Variants in UNC13C observed in about 807,000 individuals in gnomAD.
UNC13C encodes the protein protein unc-13 homolog C.
UNC13C carries 174 observed loss-of-function variants against 245.4 expected under a neutral mutation model. The ratio of observed to expected loss-of-function variants is 0.71; its 90% CI spans 0.63 to 0.80. The LOEUF (loss-of-function observed/expected upper bound fraction) is 0.80. Among genes scored for constraint, UNC13C ranks in the 30% least tolerant of loss-of-function variants. The pLI is 0.00. For synonymous variants in UNC13C, 992 were observed against 895.1 expected (o/e 1.11, Z -1.93); for missense variants, 2,829 against 2,602.9 (o/e 1.09, Z -1.89).
intron 22 of UNC13C, among the ~76,000 whole-genome samples, chr15:54,504,641 T>C (rs1179612189): frequency 6.6e-6 from 1 of 152,202 alleles, no homozygotes; most frequent in Non-Finnish European, 1.5e-5. Flanking sequence ...ATGTTGGATG[T>C]GTTAAAATAC....
intron 2 of UNC13C, among the ~76,000 whole-genome samples, chr15:54,110,280 CAAA>C (rs11343698): frequency 4.8e-5 from 7 of 144,728 alleles, no homozygotes; most frequent in Admixed American, 6.9e-5. Flanking sequence ...GACGCTGCCT[CAAA>C]AAAAAAAAAA....
At chr15:54,235,169 G>A (rs1292529178) in intron 5 of UNC13C, 61 bp downstream of exon 5, 46 of 1,441,534 alleles carry the variant, frequency 3.2e-5, no homozygotes, top group Non-Finnish European at 4.2e-5. Flanking sequence ...TTACTAAAAT[G>A]TAATGTCCTT....
At chr15:54,444,926 C>G (rs956043353) in intron 19 of UNC13C, among the ~76,000 whole-genome samples, 27 of 151,322 alleles carry the variant, frequency 1.8e-4, no homozygotes, top group Non-Finnish European at 1.5e-5. Context: ...TTAACTCATC[C>G]TTTACATTAG....
In UNC13C at chr15:54,220,146, T is replaced by C. The variant is rs557536353; in HGVS notation, c.3072-14884T>C. Among the ~76,000 whole-genome samples the C allele has an allele frequency of 1.4e-4, 21 of 151,194 alleles. No homozygotes were observed. In the South Asian group the frequency reaches 2.5e-3, roughly 18 times the overall value. Reference sequence around the variant, plus strand: ...ATGCTGCTATAAAGACACATGCACATGTATGTTTACTGCGGCACTATTCAC... The same window carrying C: ...ATGCTGCTATAAAGACACATGCACACGTATGTTTACTGCGGCACTATTCAC... On this transcript the variant is annotated intron_variant, in intron 4 of 32. Transcript: ENST00000260323.
chr15:54,463,281 G>GGGGGGGT, intron 19 of UNC13C, among the ~76,000 whole-genome samples: 1 of 68,966 alleles, frequency 1.4e-5, no homozygotes, highest in Admixed American at 1.3e-4. Context: ...GGGGGGGGGG[G>GGGGGGGT]GCCGGTCAGG....
chr15:53,936,135 G>A, the UNC13C span, among the ~76,000 whole-genome samples: 12 of 152,212 alleles, frequency 7.9e-5, no homozygotes, highest in Admixed American at 7.2e-4. Context: ...GACTGCCTGA[G>A]ACAGACCAAG....
chr15:54,516,400 G>C (rs1226860276), intron 24 of UNC13C, among the ~76,000 whole-genome samples: 1 of 152,148 alleles, frequency 6.6e-6, no homozygotes, highest in East Asian at 1.9e-4. Context: ...ATTTGATTCA[G>C]TACGTTTGGG....
chr15:54,469,704 T>G (rs746216709), intron 19 of UNC13C, among the ~76,000 whole-genome samples: 1 of 151,532 alleles, frequency 6.6e-6, no homozygotes, highest in Non-Finnish European at 1.5e-5. Context: ...TTTTGGAATT[T>G]TGTGGAATTT....
intron 17 of UNC13C, among the ~76,000 whole-genome samples, chr15:54,381,961 T>C (rs1005950716): frequency 6.6e-6 from 1 of 152,304 alleles, no homozygotes; most frequent in Non-Finnish European, 1.5e-5. Flanking sequence ...CTCATCAGCA[T>C]GTGGAACATT....
chr15:53,962,983 A>T, the UNC13C span, among the ~76,000 whole-genome samples: 1 of 152,196 alleles, frequency 6.6e-6, no homozygotes, highest in Non-Finnish European at 1.5e-5. Context: ...ATCATAATAG[A>T]GAATATTTAT....
intron 30 of UNC13C, among the ~76,000 whole-genome samples, chr15:54,616,593 T>TA (rs1900449232): frequency 6.6e-6 from 1 of 151,908 alleles, no homozygotes; most frequent in Admixed American, 6.6e-5. Context: ...AAAAAGTCTT[T>TA]AAAATAGAAA....
chr15:54,211,852 G>A (rs546737008), intron 4 of UNC13C, among the ~76,000 whole-genome samples: 21 of 152,222 alleles, frequency 1.4e-4, no homozygotes, highest in African/African-American at 3.9e-4. Flanking sequence ...AGGATGCAGC[G>A]TTATTTTTCA....
At chr15:54,049,429 T>A in intron 2 of UNC13C, 1 of 489,804 alleles carries the variant, frequency 2.0e-6, no homozygotes, top group East Asian at 5.6e-5. Flanking sequence ...ATTCCAGTTC[T>A]TTGTGGAGAC....
At chr15:54,579,118 T>C (rs903605399) in intron 30 of UNC13C, among the ~76,000 whole-genome samples, 7 of 152,140 alleles carry the variant, frequency 4.6e-5, no homozygotes, top group Non-Finnish European at 8.8e-5. Context: ...AGTTCGGCAG[T>C]AAAATAGGCA....
At chr15:54,055,948 A>G (rs775137695) in intron 2 of UNC13C, among the ~76,000 whole-genome samples, 2 of 152,182 alleles carry the variant, frequency 1.3e-5, no homozygotes, top group Non-Finnish European at 2.9e-5. Flanking sequence ...CTCTCTTCAC[A>G]TCTACTGGAT....
intron 4 of UNC13C, among the ~76,000 whole-genome samples, chr15:54,152,886 T>C (rs1285346457): frequency 6.6e-6 from 1 of 152,166 alleles, no homozygotes; most frequent in Admixed American, 6.5e-5. Flanking sequence ...CTGAGGGTGA[T>C]AATTGTATTT....
chr15:54,416,852 G>T (rs1195887348), intron 19 of UNC13C: 1 of 455,316 alleles, frequency 2.2e-6, no homozygotes, highest in Admixed American at 2.4e-5. Context: ...GCACTTACGG[G>T]TTATCATTGA....
Position 54,042,724 on chromosome 15 carries a change from G to A in UNC13C, c.2983+26838G>A, listed in dbSNP as rs111552727. 6.6e-3 allele frequency among the ~76,000 whole-genome samples: 1,010 copies of A among 152,206 alleles called. 10 individuals carry two copies. Among genetic ancestry groups the A allele is most frequent in the African/African-American group, 0.023 (950 of 41,532 alleles). ...AGAAATTAGCCGGGCATGGTGGTGG[G>A]TGCCTGTGGTACCAGCTACTCGGGA... On this transcript the variant is annotated intron_variant, in intron 2 of 32. Transcript: ENST00000260323.
chr15:54,014,208 T>C lies in UNC13C; in HGVS notation c.1305T>C (p.Ser435=). The C allele has an allele frequency of 1.2e-6, 2 of 1,613,928 alleles. No individual in the cohort carries two copies. The highest frequency in any genetic ancestry group is 2.2e-5 in the East Asian group (1 of 44,874). ...QTYESMAIKL[S]TPEPKIKKNN... ...ATGAGAGCATGGCTATAAAGTTGTCTACTCCAGAGCCAAAAATCAAGAAGA... is the reference window on the plus strand; with the variant it reads ...ATGAGAGCATGGCTATAAAGTTGTCCACTCCAGAGCCAAAAATCAAGAAGA... Residue 435 remains serine, a synonymous_variant, in exon 2 of 33, where the codon TCT becomes TCC. Coordinates refer to ENST00000260323, the MANE Select transcript of UNC13C (RefSeq NM_001080534.3).
Sources: allele counts gnomAD v4.1 joint callset (sites outside exome capture counted in the v4.1 genomes callset), GRCh38; gene constraint gnomAD v4.1.1; transcripts MANE v1.5; gene names NCBI Gene and HGNC (gene_info 2026-07-23, HGNC 2026-07-21).